CCDC102B: variants seen among roughly 807,000 people sequenced by gnomAD.
CCDC102B encodes the protein coiled-coil domain-containing protein 102B.
Under a neutral mutation model 57.4 loss-of-function variants are expected in CCDC102B, and 75 were observed. That is an observed-to-expected ratio of 1.31 (90% CI 1.08 to 1.58). The LOEUF (loss-of-function observed/expected upper bound fraction) is 1.58. Ranked by LOEUF, CCDC102B falls within the 40% of genes most tolerant of loss-of-function variation. The probability of loss-of-function intolerance (pLI) is 0.00; values close to 1 mark genes in which losing one functional copy is unlikely to be tolerated. For missense variants in CCDC102B, 636 were observed against 582.6 expected (o/e 1.09, Z -0.94); for synonymous variants, 206 against 201.9 (o/e 1.02, Z -0.17).
At chr18:68,821,128 CA>C (rs1309983864) in intron 1 of CCDC102B, among the ~76,000 whole-genome samples, 3 of 151,826 alleles carry the variant, frequency 2.0e-5, no homozygotes, top group African/African-American at 7.3e-5. Flanking sequence ...TTTGGTGATC[CA>C]AAAGCAAATT....
intron 1 of CCDC102B, among the ~76,000 whole-genome samples, chr18:68,716,359 C>T (rs77313961): frequency 0.017 from 2,552 of 151,862 alleles, 62 homozygotes; most frequent in African/African-American, 0.058. Context: ...AAATAATTTC[C>T]TCTTATATTT....
At chr18:68,928,333 TGAAG>T (rs1302228005) in intron 6 of CCDC102B, among the ~76,000 whole-genome samples, 1 of 151,754 alleles carries the variant, frequency 6.6e-6, no homozygotes, top group African/African-American at 2.4e-5. Context: ...CTATTGACAG[TGAAG>T]GAAGAACAAA....
At chr18:68,772,394 T>TAG (rs1200514216) in intron 2 of CCDC102B, among the ~76,000 whole-genome samples, 1 of 152,166 alleles carries the variant, frequency 6.6e-6, no homozygotes, top group African/African-American at 2.4e-5. Flanking sequence ...TTGGAACTTG[T>TAG]AGAGTACAAA....
At position 68,832,197 on chromosome 18, in the gene CCDC102B, T is replaced by C. The variant is rs146675323; in HGVS notation, c.-15-4552T>C. Among the ~76,000 whole-genome samples, 506 of 152,302 alleles carry C rather than the reference T, an allele frequency of 3.3e-3. 2 individuals are homozygous for C. Among genetic ancestry groups the C allele is most frequent in the African/African-American group, 0.012 (487 of 41,576 alleles). ...ATAAGACAAAAATCTTTTTAATGTCTCTTTTATCCTGCCATGGAAGTTTAA... is the reference window on the plus strand; with the variant it reads ...ATAAGACAAAAATCTTTTTAATGTCCCTTTTATCCTGCCATGGAAGTTTAA... On this transcript the variant is annotated intron_variant, in intron 1 of 7. Coordinates refer to ENST00000360242, the MANE Select transcript of CCDC102B (RefSeq NM_024781.3).
At chr18:68,822,874 C>T (rs2036750019) in intron 1 of CCDC102B, among the ~76,000 whole-genome samples, 1 of 116,318 alleles carries the variant, frequency 8.6e-6, no homozygotes, top group South Asian at 3.3e-4. Context: ...GGTCTGGAGC[C>T]TAAGGCCAAC....
At chr18:68,985,212 C>A (rs918923143) in intron 6 of CCDC102B, among the ~76,000 whole-genome samples, 3 of 152,058 alleles carry the variant, frequency 2.0e-5, no homozygotes, top group African/African-American at 7.2e-5. Context: ...ACAAAATATA[C>A]AATATGCTTA....
intron 2 of CCDC102B, among the ~76,000 whole-genome samples, chr18:68,775,845 G>T (rs927492925): frequency 1.3e-5 from 2 of 151,808 alleles, no homozygotes; most frequent in African/African-American, 4.8e-5. Flanking sequence ...GTAGAGATGG[G>T]GTTTCACCAT....
intron 6 of CCDC102B, among the ~76,000 whole-genome samples, chr18:68,926,457 CTTAG>C (rs1343002965): frequency 2.0e-5 from 3 of 151,456 alleles, no homozygotes; most frequent in African/African-American, 7.3e-5. Context: ...TTTTCATTGA[CTTAG>C]TATGTACTCT....
At chr18:68,758,779 C>T (rs530456498) in intron 2 of CCDC102B, among the ~76,000 whole-genome samples, 8 of 150,486 alleles carry the variant, frequency 5.3e-5, no homozygotes, top group East Asian at 3.9e-4. Flanking sequence ...CATGCATTAA[C>T]GAGGCAGAGG....
At chr18:68,790,836 G>T (rs1015618647) in intron 2 of CCDC102B, among the ~76,000 whole-genome samples, 11 of 152,154 alleles carry the variant, frequency 7.2e-5, no homozygotes, top group Non-Finnish European at 1.6e-4. Context: ...TTCCTATTCA[G>T]CCATCTTGGC....
chr18:68,722,508 G>A (rs941033064), intron 2 of CCDC102B, among the ~76,000 whole-genome samples: 1 of 152,054 alleles, frequency 6.6e-6, no homozygotes, highest in Non-Finnish European at 1.5e-5. Context: ...AGACAGCTTT[G>A]GATTTTTATT....
chr18:68,851,660 T>G (rs2038130354), intron 4 of CCDC102B, among the ~76,000 whole-genome samples: 1 of 152,048 alleles, frequency 6.6e-6, no homozygotes, highest in African/African-American at 2.4e-5. Context: ...TGTAGTAACA[T>G]GAAGAAAAAG....
intron 2 of CCDC102B, among the ~76,000 whole-genome samples, chr18:68,781,258 C>T (rs2034999303): frequency 6.6e-6 from 1 of 151,964 alleles, no homozygotes; most frequent in Admixed American, 6.6e-5. Flanking sequence ...ACATCTATGA[C>T]TTATGTAATA....
intron 2 of CCDC102B, chr18:68,838,344 G>T: frequency 1.2e-6 from 1 of 848,792 alleles, no homozygotes; most frequent in Non-Finnish European, 1.4e-6. Flanking sequence ...CTTTGAAACT[G>T]TAAGTGTCTT....
chr18:68,725,068 G>A (rs1012794181), intron 2 of CCDC102B, among the ~76,000 whole-genome samples: 2 of 152,212 alleles, frequency 1.3e-5, no homozygotes, highest in African/African-American at 4.8e-5. Context: ...GCGGTGCCGA[G>A]TGAAGAGGGA....
intron 6 of CCDC102B, chr18:68,897,680 G>C: frequency 7.3e-7 from 1 of 1,371,432 alleles, no homozygotes; most frequent in South Asian, 1.2e-5. Context: ...GAAGAAAAAT[G>C]AAGTAAGAAA....
intron 6 of CCDC102B, among the ~76,000 whole-genome samples, chr18:68,906,173 T>G (rs1265519187): frequency 6.6e-6 from 1 of 152,214 alleles, no homozygotes; most frequent in Non-Finnish European, 1.5e-5. Flanking sequence ...CACACCTTTT[T>G]GGGTACTTCA....
intron 2 of CCDC102B, among the ~76,000 whole-genome samples, chr18:68,733,494 ATATATATATATATTTT>A (rs762472763): frequency 1.3e-4 from 12 of 89,672 alleles, no homozygotes; most frequent in Non-Finnish European, 1.7e-4. Flanking sequence ...ATATATATAT[ATATATATATATATTTT>A]TTTAACTTAA....
intron 6 of CCDC102B, among the ~76,000 whole-genome samples, chr18:68,935,639 GAAGA>G (rs1037546004): frequency 3.9e-5 from 6 of 152,032 alleles, no homozygotes; most frequent in African/African-American, 1.2e-4. Context: ...TGTGAAACGG[GAAGA>G]AATACCCAGA....
Sources: gnomAD v4.1 joint callset for allele counts (sites outside exome capture counted in the v4.1 genomes callset) on GRCh38, gnomAD v4.1.1 for gene constraint, MANE v1.5 for transcripts, NCBI Gene and HGNC (gene_info 2026-07-23, HGNC 2026-07-21) for gene names.